Variants in PICALM observed in about 807,000 individuals in gnomAD.
PICALM encodes phosphatidylinositol binding clathrin assembly protein, also known as phosphatidylinositol-binding clathrin assembly protein.
A neutral mutation model predicts 80.5 loss-of-function variants in PICALM; 40 were observed. That is an observed-to-expected ratio of 0.50 (90% confidence interval 0.39 to 0.65). The LOEUF is 0.65. Ranked by LOEUF, PICALM falls within the 30% of genes least tolerant of loss-of-function variation. PICALM has a pLI of 0.00. For synonymous variants in PICALM, 288 were observed against 260.3 expected (o/e 1.11, Z -1.02); for missense variants, 676 against 778.9 (o/e 0.87, Z 1.57).
intron 1 of PICALM, among the ~76,000 whole-genome samples, chr11:86,066,300 G>C (rs2096447057): frequency 6.6e-6 from 1 of 152,164 alleles, no homozygotes; most frequent in Non-Finnish European, 1.5e-5. Flanking sequence ...CAACAATGTA[G>C]GGAAAATAGT....
intron 19 of PICALM, among the ~76,000 whole-genome samples, chr11:85,967,602 C>T (rs1320303761): frequency 1.3e-5 from 2 of 152,184 alleles, no homozygotes; most frequent in East Asian, 3.8e-4. Flanking sequence ...TGAATGAGCA[C>T]AACACATTGC....
Position 86,040,195 on chromosome 11 carries a change from T to C in PICALM, c.131-8584A>G, listed in dbSNP as rs1024742254. Reference sequence around the variant, plus strand: ...ATCTTACACAAAAGGAAAGATGTTATATAACTTTAAAAAAGGGGCTGTGGA... The same window carrying C: ...ATCTTACACAAAAGGAAAGATGTTACATAACTTTAAAAAAGGGGCTGTGGA... On this transcript the variant is annotated intron_variant, in intron 1 of 19. Coordinates refer to ENST00000393346, the MANE Select transcript of PICALM (RefSeq NM_007166.4). Among the ~76,000 whole-genome samples the C allele has an allele frequency of 2.0e-5, 3 of 152,020 alleles. No homozygotes were observed. The South Asian group carries it at 6.2e-4, about 32-fold the overall frequency.
At chr11:86,045,719 A>G (rs188675732) in intron 1 of PICALM, among the ~76,000 whole-genome samples, 1 of 152,258 alleles carries the variant, frequency 6.6e-6, no homozygotes, top group Admixed American at 6.5e-5. Flanking sequence ...GAATGGATAT[A>G]TGAAGAGTCT....
At chr11:86,046,717 C>A (rs1220866796) in intron 1 of PICALM, among the ~76,000 whole-genome samples, 1 of 152,164 alleles carries the variant, frequency 6.6e-6, no homozygotes, top group Non-Finnish European at 1.5e-5. Context: ...CATATGATTT[C>A]TTTCTTTCTT....
intron 1 of PICALM, among the ~76,000 whole-genome samples, chr11:86,056,635 C>G (rs2096274159): frequency 6.6e-6 from 1 of 152,114 alleles, no homozygotes; most frequent in African/African-American, 2.4e-5. Flanking sequence ...AAAAGTTACA[C>G]AGAATTACCA....
intron 19 of PICALM, among the ~76,000 whole-genome samples, chr11:85,968,987 C>T (rs1215727320): frequency 9.6e-6 from 1 of 104,332 alleles, no homozygotes; most frequent in East Asian, 2.8e-4. Flanking sequence ...CACACACACA[C>T]ACACACACAC....
chr11:86,043,393 C>T (rs779863133), intron 1 of PICALM, among the ~76,000 whole-genome samples: 5 of 152,150 alleles, frequency 3.3e-5, no homozygotes, highest in Non-Finnish European at 7.3e-5. Context: ...AATCTCTATG[C>T]AAATCATTCA....
chr11:85,983,910 G>C lies in PICALM; in HGVS notation c.1472C>G (p.Ser491Cys). 6.2e-7 allele frequency: 1 copy of C among 1,603,842 alleles called. No individual in the cohort carries two copies. The highest frequency in any genetic ancestry group is 1.3e-5 in the African/African-American group (1 of 74,760). The change falls in exon 14 of 20, where the codon TCT (serine) becomes TGT (cysteine). Residue 491 changes from serine to cysteine, a missense_variant. Transcript: ENST00000393346. ...ATTTGTAGATTTATTTCCAAACACA[G>C]ATTCAAAGTCAACATTAAGGCCAGC... The part of the protein sequence containing the change: ...PSAGLNVDFE[S>C]VFGNKSTNVI...
At chr11:86,003,255 A>G in intron 9 of PICALM, 111 bp downstream of exon 9, 1 of 574,356 alleles carries the variant, frequency 1.7e-6, no homozygotes, top group South Asian at 2.8e-5. Flanking sequence ...TCCATTTTAT[A>G]GAAAATGAAA....
At chr11:85,976,230 G>T (rs532912204) in intron 18 of PICALM, among the ~76,000 whole-genome samples, 1 of 152,116 alleles carries the variant, frequency 6.6e-6, no homozygotes, top group Non-Finnish European at 1.5e-5. Flanking sequence ...AATTTCTCTA[G>T]CCTTTATCAG....
chr11:86,022,611 G>T, intron 3 of PICALM, 142 bp from the exon 4 acceptor site: 1 of 495,042 alleles, frequency 2.0e-6, no homozygotes, highest in Non-Finnish European at 3.5e-6. Context: ...AATTTAGTAT[G>T]TAAATTAAGT....
intron 19 of PICALM, among the ~76,000 whole-genome samples, chr11:85,966,985 G>C (rs182220557): frequency 1.1e-4 from 17 of 152,266 alleles, no homozygotes; most frequent in Admixed American, 9.2e-4. Flanking sequence ...GTTTTTAAGA[G>C]CTTAAAAACT....
chr11:85,976,204 A>T (rs17209625), intron 18 of PICALM, among the ~76,000 whole-genome samples: 5,736 of 152,286 alleles, frequency 0.038, 225 homozygotes, highest in East Asian at 0.2. Context: ...TACTGTAATA[A>T]TCATTGTCAC....
At chr11:86,021,431 A>G (rs1419185413) in intron 4 of PICALM, among the ~76,000 whole-genome samples, 1 of 151,954 alleles carries the variant, frequency 6.6e-6, no homozygotes, top group African/African-American at 2.4e-5. Context: ...ATCATTAGCC[A>G]TCAGGGAAAT....
intron 12 of PICALM, among the ~76,000 whole-genome samples, chr11:85,990,907 G>GA (rs1056161974): frequency 2.0e-5 from 3 of 151,906 alleles, no homozygotes; most frequent in Non-Finnish European, 4.4e-5. Flanking sequence ...TAAAGATGAA[G>GA]AAAAAAATCT....
chr11:86,020,898 T>C (rs2095552277), intron 4 of PICALM, among the ~76,000 whole-genome samples: 1 of 152,192 alleles, frequency 6.6e-6, no homozygotes, highest in Admixed American at 6.5e-5. Flanking sequence ...TAATTAAAAA[T>C]GTTTGTTCTT....
At chr11:85,996,095 C>T (rs1041057254) in intron 12 of PICALM, among the ~76,000 whole-genome samples, 16 of 151,952 alleles carry the variant, frequency 1.1e-4, no homozygotes, top group African/African-American at 3.9e-4. Context: ...AGCTTACTTT[C>T]TAGGATATAG....
chr11:86,054,948 A>G (rs553538600), intron 1 of PICALM, among the ~76,000 whole-genome samples: 71 of 152,256 alleles, frequency 4.7e-4, no homozygotes, highest in Non-Finnish European at 9.0e-4. Flanking sequence ...ACTCATCTTT[A>G]TAATATTTTC....
At chr11:85,974,915 T>A in intron 18 of PICALM, 103 bp from the exon 19 acceptor site, 1 of 796,140 alleles carries the variant, frequency 1.3e-6, no homozygotes, top group Non-Finnish European at 2.2e-6. Flanking sequence ...GTACCTTTGC[T>A]TGACTCAAAG....
Sources: allele counts gnomAD v4.1 joint callset (sites outside exome capture counted in the v4.1 genomes callset), GRCh38; gene constraint gnomAD v4.1.1; transcripts MANE v1.5; gene names NCBI Gene and HGNC (gene_info 2026-07-23, HGNC 2026-07-21).